Variants in BAHD1 observed in about 807,000 individuals in gnomAD.
The protein encoded by BAHD1 is bromo adjacent homology domain-containing 1 protein.
Under a neutral mutation model 63.1 loss-of-function variants are expected in BAHD1, and 20 were observed. The ratio of observed to expected loss-of-function variants is 0.32; its 90% CI spans 0.22 to 0.46. The LOEUF (loss-of-function observed/expected upper bound fraction) is 0.46, where lower values mean the gene tolerates loss of function less well. BAHD1 is among the 20% of genes least tolerant of loss of function. The pLI, the probability that BAHD1 is intolerant of heterozygous loss-of-function variation, is 1.00. For synonymous variants in BAHD1, 408 were observed against 426.8 expected (o/e 0.96, Z 0.54); for missense variants, 939 against 1,071.8 (o/e 0.88, Z 1.73).
chr15:40,459,042 C>A lies in BAHD1; in HGVS notation c.578C>A (p.Pro193His), dbSNP rs374161184. The A allele has an allele frequency of 3.1e-6, 5 of 1,604,986 alleles. No individual in the cohort carries two copies. Among genetic ancestry groups the A allele is most frequent in the Non-Finnish European group, 3.4e-6 (4 of 1,174,812 alleles). ...CCAGAGCCAGCACCCGATGAAGGTC[C>A]CCGCCGAGATGGAGACCCAGCTCCC... is the stretch of plus-strand genomic sequence containing the variant. Reference protein sequence around the residue: ...LSPEPAPDEGPRRDGDPAPKR... With the variant: ...LSPEPAPDEGHRRDGDPAPKR... Residue 193 changes from proline to histidine, a missense_variant, in exon 2 of 7, where the codon CCC (proline) becomes CAC (histidine). Transcript: ENST00000416165.
chr15:40,463,607 A>G (rs1894114488), intron 3 of BAHD1, among the ~76,000 whole-genome samples: 1 of 146,168 alleles, frequency 6.8e-6, no homozygotes, highest in Non-Finnish European at 1.5e-5. Flanking sequence ...AGTGAGAGTC[A>G]GCTGTCGGGT....
At chr15:40,447,590 AT>A (rs1893576004) in intron 1 of BAHD1, among the ~76,000 whole-genome samples, 10 of 150,574 alleles carry the variant, frequency 6.6e-5, no homozygotes, top group African/African-American at 1.2e-4. Context: ...AAATAAATAA[AT>A]AAATAAATAA....
Position 40,465,142 on chromosome 15 carries a change from G to T in BAHD1, c.2053-193G>T, listed in dbSNP as rs577883190. ...GCAGATACCTGGCTATTCTGGAGAA[G>T]GGGGGGACCTAGAAGGGACTCAGGA... On this transcript the variant is annotated intron_variant, in intron 5 of 6. Transcript: ENST00000416165. 103 of 586,168 alleles carry T rather than the reference G, an allele frequency of 1.8e-4. No individual in the cohort carries two copies. In the African/African-American group the frequency reaches 1.8e-3, roughly 10 times the overall value. 36.3% of individuals were successfully genotyped at this position (586,168 alleles called of 1,614,324 possible).
In BAHD1 at chr15:40,441,160, A is replaced by T. The variant is rs1893388154; in HGVS notation, c.-123A>T. On this transcript the variant is annotated 5_prime_UTR_variant, in exon 1 of 7. Coordinates refer to ENST00000416165, the MANE Select transcript of BAHD1 (RefSeq NM_014952.5). The stretch of plus-strand genomic sequence containing the variant: ...CCCCAGGAGGAGGCGCTGACGCAGC[A>T]GCGTGGAGCCCGGGAATTGAGCGCC... 1 of 150,124 alleles carries T rather than the reference A, an allele frequency of 6.7e-6. No individual in the cohort carries two copies. Among genetic ancestry groups the T allele is most frequent in the South Asian group, 2.0e-4 (1 of 4,896 alleles). 9.3% of individuals were successfully genotyped at this position (150,124 alleles called of 1,614,324 possible). A position where few individuals can be genotyped will look rare whatever the true frequency, so the allele number is the denominator to read the frequency against.
chr15:40,440,945 C>T (rs1893378403), upstream of BAHD1, among the ~76,000 whole-genome samples: 1 of 151,942 alleles, frequency 6.6e-6, no homozygotes, highest in Admixed American at 6.6e-5. Flanking sequence ...GGAGGCTCCG[C>T]TCTCGGGGAG....
intron 1 of BAHD1, among the ~76,000 whole-genome samples, chr15:40,451,572 A>C (rs1893704471): frequency 6.6e-6 from 1 of 152,228 alleles, no homozygotes; most frequent in South Asian, 2.1e-4. Flanking sequence ...CTTTAACTTA[A>C]TCCTCACAGC....
In BAHD1 at chr15:40,441,053, C is replaced by CCGCCCGCCCCGGCCAGGCG. The variant is rs1049083110; in HGVS notation, c.-219_-201dup. Among the ~76,000 whole-genome samples, 15 of 146,260 alleles carry CCGCCCGCCCCGGCCAGGCG rather than the reference C, an allele frequency of 1.0e-4. No individual in the cohort carries two copies. The East Asian group carries it at 3.0e-3, about 29-fold the overall frequency. ...GCCCCGCCCGTCCGGCCCCCGCCGT[C>CCGCCCGCCCCGGCCAGGCG]CGCCCGCCCCGGCCAGGCGCGCCCG... On this transcript the variant is annotated 5_prime_UTR_variant, in exon 1 of 7. Transcript: ENST00000416165.
At chr15:40,461,095 T>C (rs1340394075) in intron 2 of BAHD1, among the ~76,000 whole-genome samples, 1 of 152,170 alleles carries the variant, frequency 6.6e-6, no homozygotes. Flanking sequence ...TCCCCCACTT[T>C]CCTAGCCATG....
chr15:40,444,981 A>G (rs1893496207), intron 1 of BAHD1, among the ~76,000 whole-genome samples: 1 of 151,454 alleles, frequency 6.6e-6, no homozygotes. Context: ...AATCCCTACT[A>G]CTTCTCTCCT....
In BAHD1 at chr15:40,459,528, T is replaced by A; in HGVS notation, c.1064T>A (p.Leu355Gln). ...PSFPTPQLSP[L>Q]PMPGNPADYN... ...TTCCCCACACCTCAGCTGTCGCCGC[T>A]GCCGATGCCTGGCAACCCCGCCGAC... The change falls in exon 2 of 7, where the codon CTG becomes CAG. Residue 355 changes from leucine to glutamine, a missense_variant. Physicochemically the swap from Leu to Gln is moderately radical, Grantham distance 113 (BLOSUM62 -2). Coordinates refer to ENST00000416165, the MANE Select transcript of BAHD1 (RefSeq NM_014952.5). The A allele has an allele frequency of 6.2e-7, 1 of 1,614,110 alleles. No individual in the cohort carries two copies. The highest frequency in any genetic ancestry group is 8.5e-7 in the Non-Finnish European group (1 of 1,180,026).
At chr15:40,461,825 A>G in intron 2 of BAHD1, 87 bp from the exon 3 acceptor site, 1 of 1,481,910 alleles carries the variant, frequency 6.7e-7, no homozygotes, top group Admixed American at 2.3e-5. Context: ...TTGCACAGTT[A>G]GAATTAAGAC....
intron 1 of BAHD1, among the ~76,000 whole-genome samples, chr15:40,448,411 A>G (rs1310530301): frequency 6.6e-6 from 1 of 152,192 alleles, no homozygotes; most frequent in Admixed American, 6.5e-5. Flanking sequence ...TGAACGTGCA[A>G]GTTATCTTGC....
At chr15:40,452,482 C>T (rs1397961791) in intron 1 of BAHD1, among the ~76,000 whole-genome samples, 1 of 152,226 alleles carries the variant, frequency 6.6e-6, no homozygotes, top group African/African-American at 2.4e-5. Flanking sequence ...GAGTATTTCT[C>T]AGAGACACAG....
intron 5 of BAHD1, chr15:40,465,018 C>G: frequency 2.4e-6 from 1 of 424,150 alleles, no homozygotes; most frequent in Non-Finnish European, 4.3e-6. Context: ...CTTTCCCTTG[C>G]AGGGACTTTC....
At chr15:40,448,603 C>T (rs963845159) in intron 1 of BAHD1, among the ~76,000 whole-genome samples, 3 of 152,146 alleles carry the variant, frequency 2.0e-5, no homozygotes, top group Admixed American at 6.5e-5. Context: ...ATGGCATGAT[C>T]ATGGTTCATT....
rs117186658 is a variant in BAHD1 at position 40,467,375 on chromosome 15, G to A, written c.*1245G>A. 0.013 allele frequency: 1,943 copies of A among 153,212 alleles called. 7 individuals are homozygous for A. Among genetic ancestry groups the A allele is most frequent in the Middle Eastern group, 0.044 (13 of 294 alleles). The allele number at this position is 153,212 out of a possible 1,614,324, so 9.5% of individuals were successfully genotyped here. A position where few individuals can be genotyped will look rare whatever the true frequency, so the allele number is the denominator to read the frequency against. On this transcript the variant is annotated 3_prime_UTR_variant, in exon 7 of 7. Transcript: ENST00000416165. ...TCCTATCTGTACCAAAGAGGAGTAT[G>A]GTGGGAGAGGGAGTGGAGTGCAGTG...
intron 1 of BAHD1, among the ~76,000 whole-genome samples, chr15:40,449,096 G>A (rs12898690): frequency 0.27 from 41,594 of 152,036 alleles, 7,099 homozygotes; most frequent in Non-Finnish European, 0.37. Context: ...GATTACAGGC[G>A]TGAGCCACCG....
intron 2 of BAHD1, 74 bp downstream of exon 2, chr15:40,459,970 C>A: frequency 6.8e-7 from 1 of 1,480,666 alleles, no homozygotes; most frequent in Non-Finnish European, 8.9e-7. Context: ...GGCTGTTGAT[C>A]TGAGCAGGGG....
At chr15:40,445,138 A>G (rs1488830718) in intron 1 of BAHD1, among the ~76,000 whole-genome samples, 1 of 151,558 alleles carries the variant, frequency 6.6e-6, no homozygotes, top group Non-Finnish European at 1.5e-5. Context: ...CTCTGAGCAA[A>G]TTGTGCCCCT....
Sources: gnomAD v4.1 joint callset for allele counts (sites outside exome capture counted in the v4.1 genomes callset) on GRCh38, gnomAD v4.1.1 for gene constraint, MANE v1.5 for transcripts, NCBI Gene and HGNC (gene_info 2026-07-23, HGNC 2026-07-21) for gene names.